FHIT: variants seen among roughly 807,000 people sequenced by gnomAD.
The protein encoded by FHIT is fragile histidine triad diadenosine triphosphatase.
In FHIT, 19 loss-of-function variants were observed where a neutral mutation model predicts 17.9. The observed-to-expected ratio is 1.06, with a 90% CI of 0.74 to 1.56. The LOEUF (loss-of-function observed/expected upper bound fraction) is 1.56, where lower values mean the gene tolerates loss of function less well. FHIT is among the 40% of genes most tolerant of loss of function. The pLI, the probability that FHIT is intolerant of heterozygous loss-of-function variation, is 0.00. For missense variants in FHIT, 248 were observed against 189.2 expected (o/e 1.31, Z -1.82); for synonymous variants, 81 against 69.7 (o/e 1.16, Z -0.81).
chr3:61,231,958 G>C (rs1470015721), intron 1 of FHIT, among the ~76,000 whole-genome samples: 1 of 152,174 alleles, frequency 6.6e-6, no homozygotes, highest in Non-Finnish European at 1.5e-5. Context: ...TGCTTGGGTT[G>C]TGACTGTGGT....
intron 2 of FHIT, among the ~76,000 whole-genome samples, chr3:61,049,357 A>T (rs1449174078): frequency 6.6e-6 from 1 of 151,818 alleles, no homozygotes; most frequent in Non-Finnish European, 1.5e-5. Context: ...GATAAGAAAA[A>T]GTTTTTTTAT....
At chr3:59,901,998 G>A (rs943631692) in intron 8 of FHIT, among the ~76,000 whole-genome samples, 3 of 152,128 alleles carry the variant, frequency 2.0e-5, no homozygotes, top group Non-Finnish European at 2.9e-5. Flanking sequence ...AAGCAACATA[G>A]TGAAGAGACA....
intron 5 of FHIT, among the ~76,000 whole-genome samples, chr3:60,040,806 G>C (rs1480404455): frequency 6.6e-6 from 1 of 152,074 alleles, no homozygotes; most frequent in Non-Finnish European, 1.5e-5. Flanking sequence ...TACTGCTGAG[G>C]GGAATGACAT....
intron 5 of FHIT, among the ~76,000 whole-genome samples, chr3:60,321,231 G>A (rs1365303367): frequency 6.6e-6 from 1 of 152,156 alleles, no homozygotes; most frequent in Non-Finnish European, 1.5e-5. Context: ...TGCAATTCCA[G>A]TACTCTGGGA....
intron 5 of FHIT, among the ~76,000 whole-genome samples, chr3:60,036,006 C>A (rs1701202000): frequency 6.6e-6 from 1 of 152,136 alleles, no homozygotes; most frequent in South Asian, 2.1e-4. Context: ...GCTAAGAGAG[C>A]AAAAACCAGC....
chr3:60,744,618 T>C (rs1553714867), intron 4 of FHIT, among the ~76,000 whole-genome samples: 1 of 152,178 alleles, frequency 6.6e-6, no homozygotes, highest in Non-Finnish European at 1.5e-5. Flanking sequence ...TTACCATCAA[T>C]GGTGTCCTGC....
chr3:60,691,710 G>A (rs981049426), intron 4 of FHIT, among the ~76,000 whole-genome samples: 16 of 152,128 alleles, frequency 1.1e-4, no homozygotes, highest in African/African-American at 3.6e-4. Flanking sequence ...TTCCAACACA[G>A]ACTTCAATTG....
At chr3:61,165,183 A>G (rs1484563192) in intron 2 of FHIT, among the ~76,000 whole-genome samples, 3 of 152,206 alleles carry the variant, frequency 2.0e-5, no homozygotes. Flanking sequence ...GTTGAATAGT[A>G]GTCCTGTTTT....
chr3:60,257,591 A>T (rs1308634128), intron 5 of FHIT, among the ~76,000 whole-genome samples: 1 of 152,166 alleles, frequency 6.6e-6, no homozygotes, highest in African/African-American at 2.4e-5. Context: ...TGGCATAGGG[A>T]TTAACATTTG....
chr3:60,955,631 TATACAC>T (rs1709111143), intron 3 of FHIT, among the ~76,000 whole-genome samples: 1 of 46,540 alleles, frequency 2.1e-5, no homozygotes, highest in Non-Finnish European at 4.6e-5. Flanking sequence ...TATATATATA[TATACAC>T]ACACACACAT....
At chr3:61,096,950 C>A (rs949880178) in intron 2 of FHIT, among the ~76,000 whole-genome samples, 4 of 151,738 alleles carry the variant, frequency 2.6e-5, no homozygotes, top group African/African-American at 9.7e-5. Flanking sequence ...GTCTCTACTA[C>A]AAAAATTACA....
intron 4 of FHIT, 112 bp from the exon 5 acceptor site, chr3:60,537,091 G>A: frequency 1.2e-6 from 1 of 851,714 alleles, no homozygotes; most frequent in Non-Finnish European, 1.7e-6. Context: ...CAGAGAGGAT[G>A]CCATTGAAAT....
chr3:60,590,169 A>G (rs1398249094), intron 4 of FHIT, among the ~76,000 whole-genome samples: 13 of 151,986 alleles, frequency 8.6e-5, no homozygotes, highest in Admixed American at 8.5e-4. Flanking sequence ...TATGAACCAA[A>G]TTTTTCTTGC....
chr3:60,523,255 A>C (rs2035442884), intron 5 of FHIT, among the ~76,000 whole-genome samples: 1 of 152,190 alleles, frequency 6.6e-6, no homozygotes. Context: ...TTTTATATCT[A>C]TTTGATGCAC....
Position 60,852,873 on chromosome 3 carries a change from C to T in FHIT, c.-110-30862G>A, listed in dbSNP as rs573500240. Among the ~76,000 whole-genome samples, 7 of 152,046 alleles carry T rather than the reference C, an allele frequency of 4.6e-5. No individual in the cohort carries two copies. The East Asian group carries it at 1.4e-3, about 29-fold the overall frequency. On this transcript the variant is annotated intron_variant, in intron 3 of 9. Transcript: ENST00000492590. ...AGATTTTTTCAAAAAAAGAAATATT[C>T]CATTTTTTCAGTAAAAATATTAAAC... is the stretch of plus-strand genomic sequence containing the variant.
chr3:60,950,948 C>T (rs1708860135), intron 3 of FHIT, among the ~76,000 whole-genome samples: 1 of 152,050 alleles, frequency 6.6e-6, no homozygotes, highest in Non-Finnish European at 1.5e-5. Context: ...TTCATTGTGA[C>T]CATGAAGACA....
At chr3:60,759,344 AT>A (rs1189828571) in intron 4 of FHIT, among the ~76,000 whole-genome samples, 1 of 152,186 alleles carries the variant, frequency 6.6e-6, no homozygotes, top group African/African-American at 2.4e-5. Flanking sequence ...TAGCATTTAT[AT>A]TTGATATGCC....
At chr3:61,160,706 C>T (rs1206625548) in intron 2 of FHIT, among the ~76,000 whole-genome samples, 1 of 152,160 alleles carries the variant, frequency 6.6e-6, no homozygotes, top group East Asian at 1.9e-4. Flanking sequence ...ATTGGGTTAA[C>T]TCAGTGAGGA....
At chr3:60,981,304 T>C (rs1470430585) in intron 3 of FHIT, among the ~76,000 whole-genome samples, 1 of 149,464 alleles carries the variant, frequency 6.7e-6, no homozygotes, top group African/African-American at 2.5e-5. Context: ...CCTTTTTTTT[T>C]TTTTTTTCTT....
Sources: gnomAD v4.1 joint callset for allele counts (sites outside exome capture counted in the v4.1 genomes callset) on GRCh38, gnomAD v4.1.1 for gene constraint, MANE v1.5 for transcripts, NCBI Gene and HGNC (gene_info 2026-07-23, HGNC 2026-07-21) for gene names.